SGCD: variants seen among roughly 807,000 people sequenced by gnomAD.
SGCD encodes delta-sarcoglycan.
In SGCD, 18 loss-of-function variants were observed where a neutral mutation model predicts 36.6. The ratio of observed to expected loss-of-function variants is 0.49; its 90% CI spans 0.34 to 0.73. SGCD has a LOEUF of 0.73. Ranked by LOEUF, SGCD falls within the 30% of genes least tolerant of loss-of-function variation. The pLI, the probability that SGCD is intolerant of heterozygous loss-of-function variation, is 0.01. For missense variants in SGCD, 387 were observed against 346.7 expected, an observed-to-expected ratio of 1.12 and a Z score of -0.92; for synonymous variants, 133 against 130.6, an observed-to-expected ratio of 1.02 and a Z score of -0.12.
chr5:156,092,268 C>T (rs1017959961), intron 1 of SGCD, among the ~76,000 whole-genome samples: 5 of 152,172 alleles, frequency 3.3e-5, no homozygotes, highest in African/African-American at 7.2e-5. Flanking sequence ...TTCTGTCAGT[C>T]GTTAGGCTCC....
chr5:156,357,865 C>G (rs529283853), intron 3 of SGCD, among the ~76,000 whole-genome samples: 1 of 152,282 alleles, frequency 6.6e-6, no homozygotes, highest in South Asian at 2.1e-4. Flanking sequence ...CTAATATGTA[C>G]TATGGTCAAC....
chr5:156,394,978 A>C (rs572859239), intron 3 of SGCD, among the ~76,000 whole-genome samples: 1 of 152,362 alleles, frequency 6.6e-6, no homozygotes, highest in Admixed American at 6.5e-5. Flanking sequence ...TTATCCGTGT[A>C]TTGAAAAATC....
intron 1 of SGCD, among the ~76,000 whole-genome samples, chr5:156,090,077 T>A (rs1761203667): frequency 6.6e-6 from 1 of 152,174 alleles, no homozygotes; most frequent in South Asian, 2.1e-4. Context: ...CCATATGAGC[T>A]GTTCGATTTG....
Position 156,053,056 on chromosome 5 carries a change from G to A in SGCD, c.-281-64822G>A, listed in dbSNP as rs767973741. ...AACCCCCAAGGTTATTGGAGCCCCTGATCCAGGACACACTTGATACTTGAA... is the reference window on the plus strand; with the variant it reads ...AACCCCCAAGGTTATTGGAGCCCCTAATCCAGGACACACTTGATACTTGAA... On this transcript the variant is annotated intron_variant, in intron 1 of 9. Transcript: ENST00000517913. Among the ~76,000 whole-genome samples the A allele has an allele frequency of 1.8e-4, 26 of 146,494 alleles. 7 individuals carry two copies. Among genetic ancestry groups the A allele is most frequent in the Non-Finnish European group, 3.7e-4 (24 of 64,954 alleles).
At chr5:156,396,869 C>G (rs1771881649) in intron 3 of SGCD, among the ~76,000 whole-genome samples, 1 of 152,208 alleles carries the variant, frequency 6.6e-6, no homozygotes, top group Non-Finnish European at 1.5e-5. Context: ...GTAATTCACC[C>G]ATACCTACAG....
chr5:156,289,757 A>G (rs1480686544), intron 3 of SGCD, among the ~76,000 whole-genome samples: 1 of 152,002 alleles, frequency 6.6e-6, no homozygotes, highest in Non-Finnish European at 1.5e-5. Context: ...CGCTTCAAGC[A>G]ATCCGCCCGT....
At chr5:156,514,227 G>A (rs1757061702) in intron 4 of SGCD, among the ~76,000 whole-genome samples, 1 of 152,184 alleles carries the variant, frequency 6.6e-6, no homozygotes, top group Admixed American at 6.5e-5. Flanking sequence ...TCTTCAAAGA[G>A]GCTTTTTACC....
At chr5:156,027,858 AG>A in intron 1 of SGCD, among the ~76,000 whole-genome samples, 1 of 152,176 alleles carries the variant, frequency 6.6e-6, no homozygotes, top group Non-Finnish European at 1.5e-5. Context: ...TGGCAAGTTC[AG>A]TTTCTGGTGA....
At chr5:155,796,530 G>A in the SGCD span, among the ~76,000 whole-genome samples, 24 of 151,776 alleles carry the variant, frequency 1.6e-4, no homozygotes, top group East Asian at 7.7e-4. Flanking sequence ...TCGGCCGGGC[G>A]CGGTGGCTCA....
At chr5:156,083,648 G>T (rs1761023010) in intron 1 of SGCD, among the ~76,000 whole-genome samples, 1 of 147,684 alleles carries the variant, frequency 6.8e-6, no homozygotes, top group Admixed American at 6.8e-5. Flanking sequence ...CACATTTAAA[G>T]ACTCTTTTCC....
chr5:155,870,800 A>G (rs1359201921), intron 1 of SGCD, among the ~76,000 whole-genome samples: 1 of 152,116 alleles, frequency 6.6e-6, no homozygotes, highest in African/African-American at 2.4e-5. Flanking sequence ...AAATGCTCTC[A>G]GGTTAACGTC....
intron 3 of SGCD, among the ~76,000 whole-genome samples, chr5:156,346,243 T>C (rs1174548003): frequency 6.6e-6 from 1 of 152,170 alleles, no homozygotes; most frequent in Non-Finnish European, 1.5e-5. Flanking sequence ...ATGTTACAAA[T>C]TTCTATCTTG....
At chr5:156,126,983 G>C (rs1266243878) in intron 3 of SGCD, among the ~76,000 whole-genome samples, 2 of 152,092 alleles carry the variant, frequency 1.3e-5, no homozygotes, top group Non-Finnish European at 2.9e-5. Context: ...TAATTCATGT[G>C]CTTTGCTAAA....
intron 3 of SGCD, among the ~76,000 whole-genome samples, chr5:156,304,845 G>A (rs1250457191): frequency 6.6e-6 from 1 of 152,156 alleles, no homozygotes; most frequent in Non-Finnish European, 1.5e-5. Context: ...TTGGGAGGTG[G>A]AGCAAAGATG....
the SGCD span, among the ~76,000 whole-genome samples, chr5:155,751,018 A>G: frequency 2.5e-4 from 38 of 152,344 alleles, no homozygotes; most frequent in Non-Finnish European, 7.3e-5. Flanking sequence ...AGAACTCCTT[A>G]GGTACTTAGG....
chr5:156,444,393 G>T (rs935188934), intron 3 of SGCD, among the ~76,000 whole-genome samples: 1 of 152,030 alleles, frequency 6.6e-6, no homozygotes, highest in Non-Finnish European at 1.5e-5. Flanking sequence ...CTGCTAAAAT[G>T]CTTAGCTTAG....
chr5:155,773,663 A>G, the SGCD span, among the ~76,000 whole-genome samples: 9 of 152,192 alleles, frequency 5.9e-5, no homozygotes, highest in Admixed American at 3.9e-4. Context: ...AGGAAACTCT[A>G]TTCTAAGATG....
At chr5:156,242,078 G>GTTCA (rs1225899915) in intron 3 of SGCD, among the ~76,000 whole-genome samples, 1 of 152,148 alleles carries the variant, frequency 6.6e-6, no homozygotes, top group Admixed American at 6.5e-5. Flanking sequence ...TAACAGTTTT[G>GTTCA]TTCATCATAG....
chr5:156,741,271 A>G (rs1401846279), intron 7 of SGCD, among the ~76,000 whole-genome samples: 1 of 152,268 alleles, frequency 6.6e-6, no homozygotes, highest in Non-Finnish European at 1.5e-5. Flanking sequence ...TGTTTCAACA[A>G]AAACAATTTC....
Sources: gnomAD v4.1 joint callset for allele counts (sites outside exome capture counted in the v4.1 genomes callset) on GRCh38, gnomAD v4.1.1 for gene constraint, MANE v1.5 for transcripts, NCBI Gene and HGNC (gene_info 2026-07-23, HGNC 2026-07-21) for gene names.